BPNT1: variants seen among roughly 807,000 people sequenced by gnomAD.
BPNT1 encodes 3'(2'),5'-bisphosphate nucleotidase 1.
BPNT1 carries 28 observed loss-of-function variants against 36.9 expected under a neutral mutation model. That is an observed-to-expected ratio of 0.76 (90% CI 0.56 to 1.04). BPNT1 has a LOEUF of 1.04. Among genes scored for constraint, BPNT1 ranks in the 50% least tolerant of loss-of-function variants. The pLI, the probability that BPNT1 is intolerant of heterozygous loss-of-function variation, is 0.00. For missense variants in BPNT1, 313 were observed against 372.9 expected (o/e 0.84, Z 1.32); for synonymous variants, 119 against 130.9 (o/e 0.91, Z 0.62).
chr1:220,072,441 A>G (rs1664150367), intron 4 of BPNT1, among the ~76,000 whole-genome samples: 1 of 151,810 alleles, frequency 6.6e-6, no homozygotes, highest in African/African-American at 2.4e-5. Flanking sequence ...CAACCTCCCA[A>G]GTAGCTGAGA....
intron 7 of BPNT1, among the ~76,000 whole-genome samples, chr1:220,061,073 T>G (rs1270828464): frequency 1.3e-5 from 2 of 152,204 alleles, no homozygotes; most frequent in Non-Finnish European, 2.9e-5. Flanking sequence ...TGTTTCCTAA[T>G]CAGATTTTAG....
Position 220,069,571 on chromosome 1 carries a change from T to G in BPNT1, c.334-139A>C. ...TGGCTTAAATTAATGTCATCTGTTT[T>G]GAGATAGTACAAAAAGCTTATTCTT... On this transcript the variant is annotated intron_variant, in intron 4 of 8. Transcript: ENST00000322067. 8.7e-6 allele frequency: 5 copies of G among 576,840 alleles called. No homozygotes were observed. The South Asian group carries it at 8.9e-5, about 10-fold the overall frequency. The allele number at this position is 576,840 out of a possible 1,614,324, so 35.7% of individuals were successfully genotyped here. A position where few individuals can be genotyped will look rare whatever the true frequency, so the allele number is the denominator to read the frequency against.
Position 220,058,894 on chromosome 1 carries a change from A to T in BPNT1, c.877T>A (p.Tyr293Asn), listed in dbSNP as rs538088582. Residue 293 changes from tyrosine to asparagine, a missense_variant, in exon 9 of 9, where the codon TAC (tyrosine) becomes AAC (asparagine). Coordinates refer to ENST00000322067, the MANE Select transcript of BPNT1 (RefSeq NM_006085.6). Reference protein sequence around the residue: ...GVLATLRNYDYYASRVPESIK... With the variant: ...GVLATLRNYDNYASRVPESIK... ...GATTCTGGAACTCGGCTTGCATAGT[A>T]GTCATAATTCCTCAGTGTGGCCAGG... The T allele has an allele frequency of 5.6e-6, 9 of 1,614,112 alleles. No individual in the cohort carries two copies. Among genetic ancestry groups the T allele is most frequent in the Non-Finnish European group, 6.8e-6 (8 of 1,179,976 alleles).
Position 220,069,422 on chromosome 1 carries a change from C to G in BPNT1, c.344G>C (p.Trp115Ser). Residue 115 changes from tryptophan (W) to serine (S), a missense_variant, in exon 5 of 9, where the codon TGG becomes TCG. Trp to Ser is a radical substitution (Grantham distance 177). Transcript: ENST00000322067. ...SAIKEEDLVVWVDPLDGTKEY... is the reference protein window; with the variant it reads ...SAIKEEDLVVSVDPLDGTKEY... ...CTTGGTTCCATCCAGAGGATCAACC[C>G]AGACCACGAGCTAAAATTAAAAAGA... The G allele has an allele frequency of 4.4e-6, 7 of 1,602,578 alleles. No individual in the cohort carries two copies. The highest frequency in any genetic ancestry group is 4.3e-6 in the Non-Finnish European group (5 of 1,175,594).
chr1:220,058,470 ATTTT>A lies in BPNT1; in HGVS notation c.*370_*373del. ...TACCCAATTAATCTTAAAATGTATTATTTTGAGAACCAAGTCTTTCTCCTAGCTA... is the reference window on the plus strand; with the variant it reads ...TACCCAATTAATCTTAAAATGTATTAGAGAACCAAGTCTTTCTCCTAGCTA... On this transcript the variant is annotated 3_prime_UTR_variant, in exon 9 of 9. Coordinates refer to ENST00000322067, the MANE Select transcript of BPNT1 (RefSeq NM_006085.6). The A allele has an allele frequency of 1.0e-6, 1 of 982,464 alleles. No individual in the cohort carries two copies. 60.9% of individuals were successfully genotyped at this position (982,464 alleles called of 1,614,324 possible). A position where few individuals can be genotyped will look rare whatever the true frequency, so the allele number is the denominator to read the frequency against.
In BPNT1 at chr1:220,074,055, AG is replaced by A; in HGVS notation, c.136del (p.Leu46CysfsTer11). 1.2e-6 allele frequency: 2 copies of A among 1,613,836 alleles called. No homozygotes were observed. Among genetic ancestry groups the A allele is most frequent in the African/African-American group, 2.7e-5 (2 of 75,054 alleles). On this transcript the variant is annotated frameshift_variant, in exon 3 of 9. Transcript: ENST00000322067. LOFTEE classifies it high-confidence loss of function. ...GIVEKTCATD[L>X]QTKADRLAQM... is the part of the protein sequence containing the mutation. ...TGCCAATCGGTCAGCTTTGGTCTGC[AG>A]GTCTGTTGCACAGGTCTGTAATAAA...
At chr1:220,080,170 T>C (rs1664973758) in intron 1 of BPNT1, among the ~76,000 whole-genome samples, 1 of 152,190 alleles carries the variant, frequency 6.6e-6, no homozygotes, top group Non-Finnish European at 1.5e-5. Flanking sequence ...GTAAAGTATG[T>C]GGAAGGTGCT....
intron 1 of BPNT1, 139 bp from the exon 2 acceptor site, chr1:220,079,993 T>TTAAAGA: frequency 2.3e-6 from 2 of 869,920 alleles, no homozygotes; most frequent in Non-Finnish European, 3.3e-6. Context: ...CTTTAATATA[T>TTAAAGA]ATTTACTAAA....
chr1:220,079,860 A>C lies in BPNT1; in HGVS notation c.-8-6T>G. ...ACTGGAAGCCATGGTACACTCTAAA[A>C]AGAGATCAAGAAAAATGTCTTGTTA... On this transcript the variant is annotated splice_region_variant and splice_polypyrimidine_tract_variant and intron_variant, in intron 1 of 8. Transcript: ENST00000322067. The C allele has an allele frequency of 6.2e-7, 1 of 1,605,762 alleles. No homozygotes were observed. The highest frequency in any genetic ancestry group is 1.1e-5 in the South Asian group (1 of 88,944).
intron 2 of BPNT1, among the ~76,000 whole-genome samples, chr1:220,075,037 ATTTG>A (rs201611500): frequency 1.8e-4 from 27 of 152,102 alleles, no homozygotes; most frequent in African/African-American, 2.6e-4. Context: ...TCTTAGTAGA[ATTTG>A]TTTGTTTGTT....
chr1:220,087,245 T>C (rs748123900), intron 1 of BPNT1, among the ~76,000 whole-genome samples: 6 of 152,072 alleles, frequency 3.9e-5, no homozygotes, highest in Non-Finnish European at 8.8e-5. Context: ...CCATAAAATA[T>C]TCTATTGATA....
chr1:220,062,039 T>TAA (rs879746935), intron 7 of BPNT1, among the ~76,000 whole-genome samples: 7 of 137,498 alleles, frequency 5.1e-5, no homozygotes, highest in Non-Finnish European at 4.8e-5. Flanking sequence ...CTCTCTCAGA[T>TAA]AAAAAAAAAA....
At chr1:220,081,308 C>T (rs1230606384) in intron 1 of BPNT1, among the ~76,000 whole-genome samples, 4 of 152,108 alleles carry the variant, frequency 2.6e-5, no homozygotes, top group Non-Finnish European at 4.4e-5. Flanking sequence ...TTTGGGAGGC[C>T]GAGATGGGCA....
intron 4 of BPNT1, among the ~76,000 whole-genome samples, chr1:220,070,610 C>CA (rs1354518677): frequency 2.0e-5 from 3 of 151,706 alleles, no homozygotes; most frequent in Non-Finnish European, 4.4e-5. Context: ...TACAGGCGCG[C>CA]ACCACCATGC....
chr1:220,079,581 C>A, intron 2 of BPNT1, 146 bp downstream of exon 2: 2 of 948,986 alleles, frequency 2.1e-6, no homozygotes, highest in Admixed American at 5.4e-5. Context: ...AGAGATGGAA[C>A]CCTTTAGAAC....
At chr1:220,074,802 C>A (rs762772739) in intron 2 of BPNT1, among the ~76,000 whole-genome samples, 13 of 151,978 alleles carry the variant, frequency 8.6e-5, no homozygotes, top group Non-Finnish European at 1.3e-4. Context: ...CCTAAGAAAT[C>A]CTGTTTCTAA....
intron 7 of BPNT1, among the ~76,000 whole-genome samples, chr1:220,062,135 CTTAT>C (rs758829082): frequency 5.3e-5 from 8 of 151,012 alleles, no homozygotes; most frequent in African/African-American, 1.7e-4. Flanking sequence ...TCTTTAAACG[CTTAT>C]TTCTTTTTTT....
chr1:220,085,537 C>T (rs1470182444), intron 1 of BPNT1, among the ~76,000 whole-genome samples: 8 of 152,286 alleles, frequency 5.3e-5, no homozygotes, highest in South Asian at 2.1e-4. Flanking sequence ...GTAAAGAAAG[C>T]GCTTTACCTG....
chr1:220,067,519 A>G, intron 5 of BPNT1, 126 bp from the exon 6 acceptor site: 2 of 550,726 alleles, frequency 3.6e-6, no homozygotes, highest in Non-Finnish European at 6.4e-6. Flanking sequence ...ATCCGTGATC[A>G]ATCCTATTTA....
Sources: gnomAD v4.1 joint callset for allele counts (sites outside exome capture counted in the v4.1 genomes callset) on GRCh38, gnomAD v4.1.1 for gene constraint, MANE v1.5 for transcripts, NCBI Gene and HGNC (gene_info 2026-07-23, HGNC 2026-07-21) for gene names.